Variants in RSU1 observed in about 807,000 individuals in gnomAD.
RSU1 encodes the protein rsu-1.
A neutral mutation model predicts 31.1 loss-of-function variants in RSU1; 26 were observed. The observed-to-expected ratio is 0.84, with a 90% confidence interval of 0.61 to 1.16. The LOEUF is 1.16. Ranked by LOEUF, RSU1 falls within the 50% of genes most tolerant of loss-of-function variation. The probability of loss-of-function intolerance (pLI) is 0.00; values close to 1 mark genes in which losing one functional copy is unlikely to be tolerated. For synonymous variants in RSU1, 164 were observed against 136.3 expected (o/e 1.20, Z -1.41); for missense variants, 320 against 339.1 (o/e 0.94, Z 0.44).
At chr10:16,757,238 C>A (rs1211769552) in intron 4 of RSU1, among the ~76,000 whole-genome samples, 1 of 151,830 alleles carries the variant, frequency 6.6e-6, no homozygotes, top group Non-Finnish European at 1.5e-5. Flanking sequence ...TACTTAAAAG[C>A]CAATTTTTAA....
At chr10:16,612,442 T>G (rs1012521435) in intron 8 of RSU1, among the ~76,000 whole-genome samples, 5 of 152,204 alleles carry the variant, frequency 3.3e-5, no homozygotes, top group Admixed American at 2.0e-4. Flanking sequence ...CTCTTTTTGC[T>G]CTGTCCATGG....
At chr10:16,669,422 C>T (rs78573254) in intron 8 of RSU1, among the ~76,000 whole-genome samples, 1,861 of 152,148 alleles carry the variant, frequency 0.012, 49 homozygotes, top group African/African-American at 0.043. Flanking sequence ...CATTAATTCC[C>T]CTTTTGGAAT....
At chr10:16,654,777 G>C (rs1834747935) in intron 8 of RSU1, among the ~76,000 whole-genome samples, 1 of 151,842 alleles carries the variant, frequency 6.6e-6, no homozygotes, top group South Asian at 2.1e-4. Context: ...TAGAGAAATG[G>C]GCCCAGCATA....
chr10:16,772,341 T>C (rs1264789056), intron 3 of RSU1, among the ~76,000 whole-genome samples: 2 of 152,202 alleles, frequency 1.3e-5, no homozygotes, highest in Non-Finnish European at 2.9e-5. Flanking sequence ...AATTAGTTAA[T>C]GCCTGAATCT....
At chr10:16,813,187 G>A (rs553843003) in intron 2 of RSU1, among the ~76,000 whole-genome samples, 1 of 152,052 alleles carries the variant, frequency 6.6e-6, no homozygotes, top group East Asian at 1.9e-4. Context: ...TGGTGTTCTT[G>A]GAAGCTTTAA....
At chr10:16,629,480 G>A (rs1834211407) in intron 8 of RSU1, among the ~76,000 whole-genome samples, 2 of 152,078 alleles carry the variant, frequency 1.3e-5, no homozygotes, top group South Asian at 4.1e-4. Flanking sequence ...GAGAATTGAG[G>A]TCACTGAATT....
At chr10:16,648,644 G>A (rs141574166) in intron 8 of RSU1, among the ~76,000 whole-genome samples, 1 of 152,032 alleles carries the variant, frequency 6.6e-6, no homozygotes, top group Non-Finnish European at 1.5e-5. Context: ...AATCAAATGG[G>A]AAATTCAATT....
intron 2 of RSU1, among the ~76,000 whole-genome samples, chr10:16,813,656 A>G (rs1260335901): frequency 6.6e-6 from 1 of 152,248 alleles, no homozygotes; most frequent in Non-Finnish European, 1.5e-5. Flanking sequence ...AAGGTTACAC[A>G]GTACTAACTA....
At chr10:16,779,671 C>T (rs906025797) in intron 3 of RSU1, among the ~76,000 whole-genome samples, 3 of 152,168 alleles carry the variant, frequency 2.0e-5, no homozygotes, top group Admixed American at 6.5e-5. Flanking sequence ...TTTAATGTGG[C>T]GTTGTCAGCT....
intron 1 of RSU1, 89 bp downstream of exon 1, chr10:16,817,226 T>TGGGGG: frequency 3.1e-6 from 2 of 637,422 alleles, no homozygotes; most frequent in Non-Finnish European, 2.8e-6. Flanking sequence ...CTGGTCCGGG[T>TGGGGG]GCGGGGAGGG....
chr10:16,677,919 T>C (rs1588709952), intron 8 of RSU1, among the ~76,000 whole-genome samples: 1 of 151,524 alleles, frequency 6.6e-6, no homozygotes, highest in East Asian at 1.9e-4. Flanking sequence ...TTAAACATGC[T>C]CATAATCCCA....
At chr10:16,712,732 TGAGA>T (rs1836047119) in intron 7 of RSU1, among the ~76,000 whole-genome samples, 1 of 152,328 alleles carries the variant, frequency 6.6e-6, no homozygotes, top group Admixed American at 6.5e-5. Flanking sequence ...ACTAGAGGAT[TGAGA>T]GATTTACATA....
At position 16,815,696 on chromosome 10, in the gene RSU1, G is replaced by A. The variant is rs563862784; in HGVS notation, c.109+1277C>T. On this transcript the variant is annotated intron_variant, in intron 2 of 8. Coordinates refer to ENST00000345264, the MANE Select transcript of RSU1 (RefSeq NM_012425.4). ...TCTAGATTAAAAAAGAAAAAAATCA[G>A]TACAATCCTATGTGAGAGGAGTCAC... is the stretch of plus-strand genomic sequence containing the variant. Among the ~76,000 whole-genome samples, 14 of 152,280 alleles carry A rather than the reference G, an allele frequency of 9.2e-5. No individual in the cohort carries two copies. The South Asian group carries it at 2.7e-3, about 29-fold the overall frequency.
At chr10:16,785,533 G>C (rs984425120) in intron 2 of RSU1, among the ~76,000 whole-genome samples, 2 of 95,032 alleles carry the variant, frequency 2.1e-5, no homozygotes, top group South Asian at 2.9e-4. Context: ...TATAATATTA[G>C]TTCTTTCCCT....
At chr10:16,655,164 T>C (rs1236523178) in intron 8 of RSU1, among the ~76,000 whole-genome samples, 1 of 151,528 alleles carries the variant, frequency 6.6e-6, no homozygotes, top group Non-Finnish European at 1.5e-5. Flanking sequence ...TATTTAAAAA[T>C]ATCACTTGCT....
At chr10:16,768,454 T>C (rs189504425) in intron 3 of RSU1, among the ~76,000 whole-genome samples, 1 of 152,322 alleles carries the variant, frequency 6.6e-6, no homozygotes, top group East Asian at 1.9e-4. Flanking sequence ...GCTGCTTTAA[T>C]TTTGAGACTT....
intron 7 of RSU1, among the ~76,000 whole-genome samples, chr10:16,740,482 G>GA (rs1198620493): frequency 6.6e-6 from 1 of 152,124 alleles, no homozygotes; most frequent in Non-Finnish European, 1.5e-5. Context: ...CACTGTACTA[G>GA]AAGTTGCAGC....
intron 7 of RSU1, among the ~76,000 whole-genome samples, chr10:16,708,868 G>A (rs1329209530): frequency 6.6e-6 from 1 of 150,832 alleles, no homozygotes; most frequent in Non-Finnish European, 1.5e-5. Flanking sequence ...TTCTTTTTCA[G>A]ATAGTTAATG....
rs1342816075 is a variant in RSU1 at position 16,594,596 on chromosome 10, T to G, written c.732-1100A>C. ...TAGCTAATTAAAAAAAATATATATA[T>G]CATATATAATATCTATTATATGATA... On this transcript the variant is annotated intron_variant, in intron 8 of 8. Coordinates refer to ENST00000345264, the MANE Select transcript of RSU1 (RefSeq NM_012425.4). Among the ~76,000 whole-genome samples, 18 of 145,886 alleles carry G rather than the reference T, an allele frequency of 1.2e-4. 1 individual carries two copies. In the Admixed American group the frequency reaches 1.2e-3, roughly 10 times the overall value.
Sources: allele counts gnomAD v4.1 joint callset (sites outside exome capture counted in the v4.1 genomes callset), GRCh38; gene constraint gnomAD v4.1.1; transcripts MANE v1.5; gene names NCBI Gene and HGNC (gene_info 2026-07-23, HGNC 2026-07-21).